Variants in LAMC3 observed in about 807,000 individuals in gnomAD.
The protein encoded by LAMC3 is laminin subunit gamma-3.
In LAMC3, 128 loss-of-function variants were observed where a neutral mutation model predicts 173.8. The ratio of observed to expected loss-of-function variants is 0.74; its 90% CI spans 0.64 to 0.85. The LOEUF is 0.85. Among genes scored for constraint, LAMC3 ranks in the 40% least tolerant of loss-of-function variants. The pLI is 0.00. For missense variants in LAMC3, 2,022 were observed against 2,156.0 expected (o/e 0.94, Z 1.23); for synonymous variants, 897 against 909.1 (o/e 0.99, Z 0.24).
rs1246317572 is a variant in LAMC3 at position 131,093,446 on chromosome 9, G to A, written c.*1659G>A. ...GGTGTGGGTGGGGCCTTGAAGGGTGGGGAGGCAGAGAAGGAAGCATTCCAG... is the reference window on the plus strand; with the variant it reads ...GGTGTGGGTGGGGCCTTGAAGGGTGAGGAGGCAGAGAAGGAAGCATTCCAG... On this transcript the variant is annotated 3_prime_UTR_variant, in exon 28 of 28. Transcript: ENST00000361069. The A allele has an allele frequency of 2.0e-5, 3 of 152,340 alleles. No homozygotes were observed. The highest frequency in any genetic ancestry group is 6.5e-5 in the Admixed American group (1 of 15,270). The allele number at this position is 152,340 out of a possible 1,614,324, so 9.4% of individuals were successfully genotyped here. A position where few individuals can be genotyped will look rare whatever the true frequency, so the allele number is the denominator to read the frequency against.
intron 13 of LAMC3, among the ~76,000 whole-genome samples, chr9:131,064,712 A>C (rs1246879053): frequency 1.3e-5 from 2 of 150,256 alleles, no homozygotes; most frequent in Non-Finnish European, 3.0e-5. Flanking sequence ...ATGTTGGAGC[A>C]GTGTAAAAAT....
chr9:131,037,692 A>G (rs1833971143), intron 4 of LAMC3, among the ~76,000 whole-genome samples: 1 of 152,120 alleles, frequency 6.6e-6, no homozygotes, highest in Non-Finnish European at 1.5e-5. Flanking sequence ...CTCGGCTCTC[A>G]CTGTTGCCCA....
intron 27 of LAMC3, among the ~76,000 whole-genome samples, chr9:131,090,753 G>A (rs1298346285): frequency 3.9e-5 from 6 of 151,988 alleles, no homozygotes; most frequent in Non-Finnish European, 5.9e-5. Flanking sequence ...TAGGCAAGGC[G>A]TGGTGGCTCA....
intron 24 of LAMC3, among the ~76,000 whole-genome samples, chr9:131,083,224 C>T (rs1303946077): frequency 2.6e-5 from 4 of 152,202 alleles, no homozygotes; most frequent in Non-Finnish European, 5.9e-5. Context: ...GGGGGGCTCA[C>T]TACCTTACAA....
chr9:131,061,378 C>CAA, intron 13 of LAMC3, among the ~76,000 whole-genome samples, 155 bp downstream of exon 13: 1 of 152,194 alleles, frequency 6.6e-6, no homozygotes, highest in Admixed American at 6.5e-5. Context: ...TCTGAGGACA[C>CAA]GGAATCCCTC....
At position 131,026,478 on chromosome 9, in the gene LAMC3, C is replaced by T; in HGVS notation, c.567C>T (p.Phe189=). 1.9e-6 allele frequency: 3 copies of T among 1,613,458 alleles called. No individual in the cohort carries two copies. Among genetic ancestry groups the T allele is most frequent in the Middle Eastern group, 1.7e-4 (1 of 6,060 alleles). ...LRPGEDERVA[F]CTSEFSDISP... ...CCGGCGAGGACGAGCGCGTGGCCTT[C>T]TGCACCTCTGAGTTCAGCGACATCT... Residue 189 remains phenylalanine (F), a synonymous_variant, in exon 2 of 28, where the codon TTC becomes TTT. Coordinates refer to ENST00000361069, the MANE Select transcript of LAMC3 (RefSeq NM_006059.4). This position sits in a 1 kb window ranked among gnomAD's most constrained non-coding sequence, Gnocchi z 4.8.
At position 131,079,152 on chromosome 9, in the gene LAMC3, C is replaced by T; in HGVS notation, c.3781C>T (p.Gln1261Ter). 6.2e-7 allele frequency: 1 copy of T among 1,613,284 alleles called. No individual in the cohort carries two copies. The highest frequency in any genetic ancestry group is 8.5e-7 in the Non-Finnish European group (1 of 1,179,660). Residue 1261 changes from glutamine to a stop codon, truncating the protein, a stop_gained, in exon 23 of 28, where the codon CAG becomes TAG. Coordinates refer to ENST00000361069, the MANE Select transcript of LAMC3 (RefSeq NM_006059.4). LOFTEE classifies it high-confidence loss of function. ...ALLASPGALP[Q>*]KSRAEDLGLK... ...TGAGCGCATTGTCTCCCTGCAGCCT[C>T]AGAAGTCCCGGGCTGAAGACCTGGG...
At chr9:131,035,557 C>A (rs115979732) in intron 3 of LAMC3, among the ~76,000 whole-genome samples, 1 of 152,152 alleles carries the variant, frequency 6.6e-6, no homozygotes, top group Admixed American at 6.6e-5. Flanking sequence ...CAATCAGCTC[C>A]CACCAGGCCC....
chr9:131,010,626 G>A (rs933252810), intron 1 of LAMC3, among the ~76,000 whole-genome samples: 1 of 152,246 alleles, frequency 6.6e-6, no homozygotes, highest in Non-Finnish European at 1.5e-5. Flanking sequence ...TGCAGTCCTC[G>A]GGTGGGTTCT....
At chr9:131,061,375 A>G in intron 13 of LAMC3, 152 bp downstream of exon 13, 1 of 661,526 alleles carries the variant, frequency 1.5e-6, no homozygotes, top group Non-Finnish European at 2.6e-6. Context: ...ACCTCTGAGG[A>G]CACGGAATCC....
chr9:131,019,781 G>A (rs1336898056), intron 1 of LAMC3, among the ~76,000 whole-genome samples: 2 of 152,096 alleles, frequency 1.3e-5, no homozygotes, highest in Admixed American at 6.5e-5. Flanking sequence ...TAGGAAGGGG[G>A]TGAAGGGGGT....
At chr9:131,052,445 A>C in intron 9 of LAMC3, 46 bp from the exon 10 acceptor site, 1 of 1,491,148 alleles carries the variant, frequency 6.7e-7, no homozygotes. Context: ...TTTAAAATCA[A>C]GCTAACCATA....
chr9:131,020,971 C>T (rs773970282), intron 1 of LAMC3, among the ~76,000 whole-genome samples: 1 of 152,096 alleles, frequency 6.6e-6, no homozygotes, highest in Non-Finnish European at 1.5e-5. Flanking sequence ...TTTTTCTCCC[C>T]AGAGTCTCTG....
intron 13 of LAMC3, among the ~76,000 whole-genome samples, chr9:131,065,076 A>G (rs1001056076): frequency 5.9e-5 from 9 of 151,986 alleles, no homozygotes; most frequent in South Asian, 2.1e-4. Context: ...GAAAGAAAAA[A>G]TCATGTAAGC....
chr9:131,072,473 T>C, intron 18 of LAMC3, among the ~76,000 whole-genome samples, 157 bp from the exon 19 acceptor site: 1 of 152,132 alleles, frequency 6.6e-6, no homozygotes. Flanking sequence ...GGCCTGCACC[T>C]GGAAAATGGG....
intron 18 of LAMC3, among the ~76,000 whole-genome samples, chr9:131,072,102 C>T (rs985097662): frequency 7.4e-6 from 1 of 134,522 alleles, no homozygotes; most frequent in Non-Finnish European, 1.5e-5. Flanking sequence ...GAGATCAGTC[C>T]GGGCAACACA....
At chr9:131,023,371 GC>G (rs532098204) in intron 1 of LAMC3, among the ~76,000 whole-genome samples, 284 of 152,188 alleles carry the variant, frequency 1.9e-3, no homozygotes, top group African/African-American at 6.7e-3. Context: ...TTCCAAAGTG[GC>G]CGCCCCATTT....
chr9:131,042,954 T>C (rs1283439717), intron 7 of LAMC3, among the ~76,000 whole-genome samples: 1 of 144,426 alleles, frequency 6.9e-6, no homozygotes, highest in Non-Finnish European at 1.5e-5. Flanking sequence ...CAGACATCAC[T>C]GATGGCATAC....
chr9:131,084,810 A>G (rs1053079443), intron 24 of LAMC3, among the ~76,000 whole-genome samples: 2 of 151,992 alleles, frequency 1.3e-5, no homozygotes, highest in Admixed American at 1.3e-4. Flanking sequence ...GAGGCAGGAA[A>G]ATTGCTTAAA....
Sources: allele counts gnomAD v4.1 joint callset (sites outside exome capture counted in the v4.1 genomes callset), GRCh38; gene constraint gnomAD v4.1.1; non-coding constraint Gnocchi (gnomAD v3.1); transcripts MANE v1.5; gene names NCBI Gene and HGNC (gene_info 2026-07-23, HGNC 2026-07-21).